The following BEAN1 variants were observed in gnomAD, a reference collection of about 807,000 sequenced individuals.
The protein encoded by BEAN1 is protein BEAN1.
In BEAN1, 17 loss-of-function variants were observed where a neutral mutation model predicts 17.7. The observed-to-expected ratio is 0.96, with a 90% CI of 0.66 to 1.44. The LOEUF (loss-of-function observed/expected upper bound fraction) is 1.44, where lower values mean the gene tolerates loss of function less well. Ranked by LOEUF, BEAN1 falls within the 40% of genes most tolerant of loss-of-function variation. The pLI, the probability that BEAN1 is intolerant of heterozygous loss-of-function variation, is 0.00. For synonymous variants in BEAN1, 142 were observed against 151.8 expected (o/e 0.94, Z 0.47); for missense variants, 359 against 374.1 (o/e 0.96, Z 0.33).
chr16:66,439,605 C>A (rs1962168776), intron 2 of BEAN1, among the ~76,000 whole-genome samples: 2 of 127,794 alleles, frequency 1.6e-5, no homozygotes, highest in Non-Finnish European at 3.8e-5. Context: ...CCTGAGGACT[C>A]CAGGGTGTGG....
At chr16:66,457,292 A>C (rs1232165438) in intron 2 of BEAN1, among the ~76,000 whole-genome samples, 2 of 152,178 alleles carry the variant, frequency 1.3e-5, no homozygotes, top group African/African-American at 4.8e-5. Flanking sequence ...GAGTAGATGC[A>C]TAGATAGGTA....
intron 3 of BEAN1, among the ~76,000 whole-genome samples, chr16:66,474,610 G>C (rs774010048): frequency 8.1e-5 from 1 of 12,366 alleles, no homozygotes; most frequent in African/African-American, 4.6e-4. Flanking sequence ...GGGAGAGAGG[G>C]AGGGAGGAAG....
At chr16:66,456,304 T>C (rs147519132) in intron 2 of BEAN1, among the ~76,000 whole-genome samples, 1 of 152,324 alleles carries the variant, frequency 6.6e-6, no homozygotes, top group African/African-American at 2.4e-5. Context: ...GTCCATATTA[T>C]AGTCAAAGGT....
At chr16:66,460,748 A>C (rs1037045213) in intron 2 of BEAN1, among the ~76,000 whole-genome samples, 2 of 152,086 alleles carry the variant, frequency 1.3e-5, no homozygotes, top group African/African-American at 4.8e-5. Flanking sequence ...AGAAACCAGA[A>C]CTCCCAGTGC....
At chr16:66,490,955 G>A (rs531537527) in intron 4 of BEAN1, among the ~76,000 whole-genome samples, 1 of 152,340 alleles carries the variant, frequency 6.6e-6, no homozygotes, top group South Asian at 2.1e-4. Flanking sequence ...AGGAGAGGCA[G>A]GACCCATCCA....
At chr16:66,488,380 C>T (rs1341718404) in intron 4 of BEAN1, among the ~76,000 whole-genome samples, 1 of 152,022 alleles carries the variant, frequency 6.6e-6, no homozygotes, top group African/African-American at 2.4e-5. Flanking sequence ...TGACTATACT[C>T]TTCAACACAA....
intron 2 of BEAN1, among the ~76,000 whole-genome samples, chr16:66,459,217 C>T (rs1962989814): frequency 6.6e-6 from 1 of 152,212 alleles, no homozygotes; most frequent in Non-Finnish European, 1.5e-5. Context: ...CCGAACCCTG[C>T]CTCTGCCCAT....
chr16:66,469,962 C>G, intron 3 of BEAN1, 97 bp downstream of exon 3: 1 of 1,443,638 alleles, frequency 6.9e-7, no homozygotes, highest in East Asian at 2.5e-5. Flanking sequence ...CTGGGTGGAG[C>G]AGGGTGGTCG....
downstream of BEAN1, chr16:66,484,668 C>G (rs761174577): frequency 2.2e-5 from 10 of 453,904 alleles, no homozygotes; most frequent in South Asian, 1.6e-4. This position sits in a 1 kb window ranked among gnomAD's most constrained non-coding sequence, Gnocchi z 4.2. Context: ...CCCAGGAGTA[C>G]CAGATGGAGT....
At chr16:66,480,523 C>A in intron 4 of BEAN1, 63 bp from the exon 5 acceptor site, 1 of 1,324,502 alleles carries the variant, frequency 7.6e-7, no homozygotes, top group Non-Finnish European at 1.0e-6. Flanking sequence ...GACCCCCAGG[C>A]CTTTGGGAGA....
At position 66,481,214 on chromosome 16, in the gene BEAN1, C is replaced by G; in HGVS notation, c.*289C>G. On this transcript the variant is annotated 3_prime_UTR_variant, in exon 5 of 5. Coordinates refer to ENST00000536005, the MANE Select transcript of BEAN1 (RefSeq NM_001178020.3). This position sits in a 1 kb window ranked among gnomAD's most constrained non-coding sequence, Gnocchi z 4.1. ...GCTCTCCTGGCCTCCCGTCCCTCCT[C>G]CCGGCCTGTTTGTTGTGCCTCTGTA... is the stretch of plus-strand genomic sequence containing the variant. 2.5e-6 allele frequency: 1 copy of G among 407,816 alleles called. No homozygotes were observed. Among genetic ancestry groups the G allele is most frequent in the Non-Finnish European group, 4.3e-6 (1 of 231,664 alleles). The allele number at this position is 407,816 out of a possible 1,614,324, so 25.3% of individuals were successfully genotyped here.
chr16:66,484,391 G>A (rs1964055714), downstream of BEAN1: 11 of 356,214 alleles, frequency 3.1e-5, no homozygotes, highest in South Asian at 2.1e-4. This position sits in a 1 kb window ranked among gnomAD's most constrained non-coding sequence, Gnocchi z 4.2. Context: ...GGACTGTCAC[G>A]CTCTTGGCTT....
At chr16:66,441,910 T>C (rs1962274721) in intron 2 of BEAN1, among the ~76,000 whole-genome samples, 1 of 152,138 alleles carries the variant, frequency 6.6e-6, no homozygotes, top group Non-Finnish European at 1.5e-5. Flanking sequence ...ACCGTCTTAC[T>C]TTCAGGCATT....
chr16:66,451,914 C>G (rs1010350015), intron 2 of BEAN1, among the ~76,000 whole-genome samples: 9 of 152,180 alleles, frequency 5.9e-5, no homozygotes, highest in African/African-American at 2.2e-4. Context: ...TCCAGAGACC[C>G]TAGAGCTGCT....
chr16:66,487,719 T>G (rs1447657677), downstream of BEAN1, among the ~76,000 whole-genome samples: 1 of 151,992 alleles, frequency 6.6e-6, no homozygotes, highest in Non-Finnish European at 1.5e-5. Context: ...GACCCAGAGG[T>G]CTGGCTTCTC....
At position 66,481,436 on chromosome 16, in the gene BEAN1, A is replaced by T; in HGVS notation, c.*511A>T. 1 of 394,760 alleles carries T rather than the reference A, an allele frequency of 2.5e-6. No individual in the cohort carries two copies. The highest frequency in any genetic ancestry group is 3.6e-5 in the East Asian group (1 of 27,844). 24.5% of individuals were successfully genotyped at this position (394,760 alleles called of 1,614,324 possible). ...AGCTTGTCCTCCTGGGAGGCGGGACAGGCCCCAGTGAGGTTCCGTTGTGCG... is the reference window on the plus strand; with the variant it reads ...AGCTTGTCCTCCTGGGAGGCGGGACTGGCCCCAGTGAGGTTCCGTTGTGCG... On this transcript the variant is annotated 3_prime_UTR_variant, in exon 5 of 5. Coordinates refer to ENST00000536005, the MANE Select transcript of BEAN1 (RefSeq NM_001178020.3). The surrounding 1 kb of genome is among the most constrained non-coding windows in gnomAD (Gnocchi z 4.1).
downstream of BEAN1, among the ~76,000 whole-genome samples, chr16:66,486,882 G>A (rs62057866): frequency 0.042 from 6,439 of 152,314 alleles, 202 homozygotes; most frequent in Non-Finnish European, 0.059. Context: ...AGGGTCAGGC[G>A]GAGAGTGGTT....
chr16:66,460,983 T>C (rs970675254), intron 2 of BEAN1, among the ~76,000 whole-genome samples: 1 of 152,218 alleles, frequency 6.6e-6, no homozygotes, highest in Middle Eastern at 3.2e-3. Flanking sequence ...GTGTAAGGCA[T>C]ACAATACAGT....
intron 2 of BEAN1, among the ~76,000 whole-genome samples, chr16:66,442,510 C>T (rs1432799636): frequency 2.0e-5 from 3 of 152,154 alleles, no homozygotes; most frequent in African/African-American, 7.2e-5. Context: ...GGGCTTGTCT[C>T]TGCTGGGCTC....
Sources: gnomAD v4.1 joint callset for allele counts (sites outside exome capture counted in the v4.1 genomes callset) on GRCh38, gnomAD v4.1.1 for gene constraint, Gnocchi (gnomAD v3.1) non-coding constraint, MANE v1.5 for transcripts, NCBI Gene and HGNC (gene_info 2026-07-23, HGNC 2026-07-21) for gene names.